Variants in USH2A observed in about 807,000 individuals in gnomAD.
USH2A encodes usherin, also known as Usher syndrome 2A (autosomal recessive, mild).
Under a neutral mutation model 538.9 loss-of-function variants are expected in USH2A, and 443 were observed. That is an observed-to-expected ratio of 0.82 (90% CI 0.76 to 0.89). The LOEUF is 0.89. USH2A is among the 40% of genes least tolerant of loss of function. The pLI, the probability that USH2A is intolerant of heterozygous loss-of-function variation, is 0.00. For missense variants in USH2A, 6,633 were observed against 6,324.8 expected (o/e 1.05, Z -1.65); for synonymous variants, 2,413 against 2,273.5 (o/e 1.06, Z -1.75).
chr1:216,169,557 T>C (rs1369873897), intron 21 of USH2A, among the ~76,000 whole-genome samples: 1 of 152,158 alleles, frequency 6.6e-6, no homozygotes, highest in Non-Finnish European at 1.5e-5. Context: ...TAAACAGTCT[T>C]GACATTTACA....
At chr1:216,265,842 A>C (rs963855602) in intron 11 of USH2A, among the ~76,000 whole-genome samples, 7 of 152,054 alleles carry the variant, frequency 4.6e-5, no homozygotes, top group Non-Finnish European at 8.8e-5. Flanking sequence ...TGGAAGCTAA[A>C]CCAGTTGATC....
intron 9 of USH2A, among the ~76,000 whole-genome samples, chr1:216,303,421 T>C (rs1435663954): frequency 6.6e-6 from 1 of 151,922 alleles, no homozygotes; most frequent in Non-Finnish European, 1.5e-5. Context: ...CAAATACGAA[T>C]TCACATACTA....
chr1:216,407,270 T>C (rs1571789255), intron 3 of USH2A, among the ~76,000 whole-genome samples: 5 of 152,278 alleles, frequency 3.3e-5, no homozygotes, highest in Admixed American at 3.3e-4. Context: ...CAGAATGAAA[T>C]TGCTGTCTAA....
At chr1:216,081,017 C>T (rs2031925278) in intron 26 of USH2A, among the ~76,000 whole-genome samples, 1 of 151,828 alleles carries the variant, frequency 6.6e-6, no homozygotes, top group South Asian at 2.1e-4. Context: ...ATCCTGTAAA[C>T]AATAGATACT....
intron 49 of USH2A, among the ~76,000 whole-genome samples, chr1:215,801,319 C>T (rs1022329536): frequency 6.7e-6 from 1 of 150,248 alleles, no homozygotes; most frequent in African/African-American, 2.4e-5. Flanking sequence ...TAAAAGGCAT[C>T]TAAATTGAAA....
intron 21 of USH2A, among the ~76,000 whole-genome samples, chr1:216,156,283 TC>T (rs2033935173): frequency 8.1e-6 from 1 of 123,518 alleles, no homozygotes; most frequent in African/African-American, 3.2e-5. Context: ...TTTCTTTCTT[TC>T]TTTTTTTTTT....
At chr1:216,403,895 T>A (rs1274739965) in intron 3 of USH2A, among the ~76,000 whole-genome samples, 2 of 152,134 alleles carry the variant, frequency 1.3e-5, no homozygotes, top group African/African-American at 4.8e-5. Context: ...CGAGATCTGA[T>A]GGCTTAATAA....
chr1:215,825,767 A>T (rs1663134480), intron 47 of USH2A, among the ~76,000 whole-genome samples: 1 of 152,230 alleles, frequency 6.6e-6, no homozygotes, highest in Admixed American at 6.5e-5. Flanking sequence ...TTTAACAAAG[A>T]TGAAATAAAT....
chr1:215,877,945 A>G lies in USH2A; in HGVS notation c.8559-65T>C, dbSNP rs7518358. The G allele has an allele frequency of 0.22, 356,040 of 1,608,258 alleles. 43,608 individuals are homozygous for G. Among genetic ancestry groups the G allele is most frequent in the East Asian group, 0.47 (20,832 of 44,760 alleles). On this transcript the variant is annotated intron_variant, in intron 42 of 71. Transcript: ENST00000307340. ...ACTCATATTGAGATTACCAAAACTCAGGCTGTTCTGTGGCATGTGCGTGTG... is the reference window on the plus strand; with the variant it reads ...ACTCATATTGAGATTACCAAAACTCGGGCTGTTCTGTGGCATGTGCGTGTG...
rs773663772 is a variant in USH2A at position 215,743,163 on chromosome 1, T to A, written c.11548+14A>T. On this transcript the variant is annotated intron_variant, in intron 59 of 71. Coordinates refer to ENST00000307340, the MANE Select transcript of USH2A (RefSeq NM_206933.4). ...TTCATAAAAGCCCAGGCCAAGTGTC[T>A]GAAAGACTTTCACCATTTTGACATG... 6.2e-7 allele frequency: 1 copy of A among 1,607,142 alleles called. No homozygotes were observed. The highest frequency in any genetic ancestry group is 8.5e-7 in the Non-Finnish European group (1 of 1,175,872).
At chr1:215,929,806 G>A (rs1230616048) in intron 38 of USH2A, among the ~76,000 whole-genome samples, 2 of 151,928 alleles carry the variant, frequency 1.3e-5, no homozygotes, top group Non-Finnish European at 2.9e-5. Context: ...TGAAAGAGGT[G>A]GATTTAAATC....
At chr1:216,061,559 G>A (rs532502121) in intron 30 of USH2A, among the ~76,000 whole-genome samples, 1 of 152,142 alleles carries the variant, frequency 6.6e-6, no homozygotes, top group Admixed American at 6.5e-5. Flanking sequence ...CTGTACAGCA[G>A]AATTACCTGA....
At chr1:215,855,613 C>T (rs1664142894) in intron 44 of USH2A, among the ~76,000 whole-genome samples, 1 of 151,872 alleles carries the variant, frequency 6.6e-6, no homozygotes, top group Non-Finnish European at 1.5e-5. Flanking sequence ...ATCAAATTAC[C>T]ATCAACACAA....
intron 21 of USH2A, among the ~76,000 whole-genome samples, chr1:216,122,385 T>A (rs1458445467): frequency 1.3e-5 from 2 of 152,064 alleles, no homozygotes; most frequent in African/African-American, 2.4e-5. Flanking sequence ...CAAATAAGCA[T>A]AACAATAGGT....
intron 3 of USH2A, among the ~76,000 whole-genome samples, chr1:216,395,461 C>G (rs1456709656): frequency 6.6e-6 from 1 of 152,150 alleles, no homozygotes; most frequent in African/African-American, 2.4e-5. Flanking sequence ...TTTAGAATTT[C>G]ATTTTTTGCC....
chr1:216,315,211 A>G (rs942282034), intron 9 of USH2A, among the ~76,000 whole-genome samples: 8 of 152,188 alleles, frequency 5.3e-5, no homozygotes, highest in Admixed American at 4.6e-4. Flanking sequence ...TGAGCTTAAT[A>G]TATACACTTT....
intron 32 of USH2A, among the ~76,000 whole-genome samples, chr1:216,025,154 T>C (rs186629162): frequency 3.9e-5 from 6 of 152,006 alleles, no homozygotes; most frequent in Admixed American, 2.6e-4. Context: ...CTTTTGTTTT[T>C]TATATTACAT....
At chr1:215,794,204 T>C (rs1662059706) in intron 50 of USH2A, among the ~76,000 whole-genome samples, 1 of 152,184 alleles carries the variant, frequency 6.6e-6, no homozygotes, top group South Asian at 2.1e-4. Flanking sequence ...TCACTCCATT[T>C]ATAAAATACA....
chr1:216,022,135 C>T (rs1475869417), intron 32 of USH2A, among the ~76,000 whole-genome samples: 1 of 152,122 alleles, frequency 6.6e-6, no homozygotes, highest in Non-Finnish European at 1.5e-5. Flanking sequence ...TCAGATGCTG[C>T]CATGCTTCCT....
Sources: gnomAD v4.1 joint callset for allele counts (sites outside exome capture counted in the v4.1 genomes callset) on GRCh38, gnomAD v4.1.1 for gene constraint, MANE v1.5 for transcripts, NCBI Gene and HGNC (gene_info 2026-07-23, HGNC 2026-07-21) for gene names.